Variants in PKD1L1 observed in about 807,000 individuals in gnomAD.
The protein encoded by PKD1L1 is polycystin 1 like 1, transient receptor potential channel interacting, also known as polycystin-1-like protein 1.
In PKD1L1, 236 loss-of-function variants were observed where a neutral mutation model predicts 323.4. The observed-to-expected ratio is 0.73, with a 90% CI of 0.66 to 0.81. The LOEUF (loss-of-function observed/expected upper bound fraction) is 0.81. Among genes scored for constraint, PKD1L1 ranks in the 40% least tolerant of loss-of-function variants. The pLI, the probability that PKD1L1 is intolerant of heterozygous loss-of-function variation, is 0.00. For synonymous variants in PKD1L1, 1,344 were observed against 1,335.0 expected, an observed-to-expected ratio of 1.01 and a Z score of -0.15; for missense variants, 3,320 against 3,508.0, an observed-to-expected ratio of 0.95 and a Z score of 1.35.
chr7:47,779,811 T>C (rs905606220), intron 56 of PKD1L1, among the ~76,000 whole-genome samples: 2 of 152,212 alleles, frequency 1.3e-5, no homozygotes, highest in Non-Finnish European at 2.9e-5. Flanking sequence ...CTTCATGCTT[T>C]GGAGCTTTCA....
At chr7:47,911,437 T>C (rs896064059) in intron 8 of PKD1L1, among the ~76,000 whole-genome samples, 10 of 152,200 alleles carry the variant, frequency 6.6e-5, no homozygotes, top group African/African-American at 2.4e-4. Context: ...AATTGGAGAA[T>C]GGCCTAATAC....
Position 47,929,282 on chromosome 7 carries a change from C to T in PKD1L1, c.982G>A (p.Asp328Asn), listed in dbSNP as rs756912614. Residue 328 changes from aspartate (D) to asparagine (N), a missense_variant, in exon 7 of 57, where the codon GAC (aspartate) becomes AAC (asparagine). By Grantham distance (23) the Asp-to-Asn change is conservative. Transcript: ENST00000289672. ...AGCCTCATTTCAACCCCAGAACTGT[C>T]CCCGAAATCCATCATCAGACAGAGA... ...EALCLMMDFGDSSGVEMRLHN... is the reference protein window; with the variant it reads ...EALCLMMDFGNSSGVEMRLHN... 3 of 1,614,168 alleles carry T rather than the reference C, an allele frequency of 1.9e-6. No homozygotes were observed. The highest frequency in any genetic ancestry group is 2.5e-6 in the Non-Finnish European group (3 of 1,180,020).
chr7:47,815,987 G>C (rs1196415567), intron 46 of PKD1L1, among the ~76,000 whole-genome samples: 2 of 152,204 alleles, frequency 1.3e-5, no homozygotes, highest in African/African-American at 2.4e-5. Context: ...ATCTGAGAGA[G>C]GGTATTAAAG....
At chr7:47,909,067 A>C (rs1404577663) in intron 8 of PKD1L1, among the ~76,000 whole-genome samples, 1 of 152,172 alleles carries the variant, frequency 6.6e-6, no homozygotes, top group African/African-American at 2.4e-5. Flanking sequence ...CTGGGAGCTG[A>C]ATAAAAGGTT....
At chr7:47,808,718 A>T (rs1234960694) in intron 51 of PKD1L1, among the ~76,000 whole-genome samples, 2 of 152,202 alleles carry the variant, frequency 1.3e-5, no homozygotes, top group Admixed American at 6.5e-5. Flanking sequence ...CATCGAAAAG[A>T]TACAGTAAAA....
At chr7:47,887,116 C>T (rs1562973890) in intron 17 of PKD1L1, among the ~76,000 whole-genome samples, 1 of 152,296 alleles carries the variant, frequency 6.6e-6, no homozygotes, top group East Asian at 1.9e-4. Flanking sequence ...TTAAATTTAC[C>T]TAAAAGAATT....
chr7:47,893,468 G>A (rs938076844), intron 15 of PKD1L1, among the ~76,000 whole-genome samples: 1 of 152,124 alleles, frequency 6.6e-6, no homozygotes, highest in Non-Finnish European at 1.5e-5. Flanking sequence ...GACCCTGGCT[G>A]AGCCCACAGG....
chr7:47,809,451 A>C (rs1275083910), intron 51 of PKD1L1, 22 bp downstream of exon 51: 2 of 1,488,088 alleles, frequency 1.3e-6, no homozygotes, highest in Admixed American at 2.2e-5. Context: ...TTTTCAAAAG[A>C]AAATGACACA....
At chr7:47,826,547 T>C (rs933083149) in intron 45 of PKD1L1, among the ~76,000 whole-genome samples, 1 of 152,214 alleles carries the variant, frequency 6.6e-6, no homozygotes, top group Non-Finnish European at 1.5e-5. Context: ...TGGTTGGAAG[T>C]GCTTCTGTGA....
chr7:47,833,107 C>G lies in PKD1L1; in HGVS notation c.6320G>C (p.Cys2107Ser). The change falls in exon 41 of 57, where the codon TGC becomes TCC. Residue 2107 changes from cysteine (C) to serine (S), a missense_variant. Transcript: ENST00000289672. Reference protein sequence around the residue: ...RTSLMGKSHCCPPHTQAPSSG... With the variant: ...RTSLMGKSHCSPPHTQAPSSG... The stretch of plus-strand genomic sequence containing the variant: ...ACAGTTACCTTGAGTGTGGGGAGGG[C>G]AGCAGTGGCTTTTCCCCATCAGAGA... The G allele has an allele frequency of 6.2e-7, 1 of 1,611,372 alleles. No individual in the cohort carries two copies. Among genetic ancestry groups the G allele is most frequent in the Non-Finnish European group, 8.5e-7 (1 of 1,178,902 alleles).
intron 8 of PKD1L1, among the ~76,000 whole-genome samples, chr7:47,911,104 C>T (rs536560609): frequency 7.2e-5 from 11 of 152,222 alleles, no homozygotes; most frequent in African/African-American, 2.6e-4. Flanking sequence ...TAGAGCTTGG[C>T]GGGAGGTGAC....
chr7:47,799,688 A>G (rs563100461), intron 54 of PKD1L1, among the ~76,000 whole-genome samples: 2 of 152,274 alleles, frequency 1.3e-5, no homozygotes, highest in African/African-American at 4.8e-5. Flanking sequence ...TTAGAACTTA[A>G]CGCTGAACGA....
At chr7:47,880,284 A>G (rs778869743) in intron 21 of PKD1L1, among the ~76,000 whole-genome samples, 1 of 56,818 alleles carries the variant, frequency 1.8e-5, no homozygotes, top group Non-Finnish European at 2.8e-5. Context: ...ATATATATAT[A>G]TTTTTTTTTT....
At chr7:47,900,362 G>C (rs909498944) in intron 13 of PKD1L1, among the ~76,000 whole-genome samples, 1 of 152,204 alleles carries the variant, frequency 6.6e-6, no homozygotes, top group African/African-American at 2.4e-5. Context: ...TCTATAACTT[G>C]TAGTAATTAT....
intron 9 of PKD1L1, 60 bp downstream of exon 9, chr7:47,908,017 G>A (rs1195916587): frequency 2.6e-6 from 4 of 1,531,298 alleles, no homozygotes; most frequent in African/African-American, 2.8e-5. Flanking sequence ...GTAAAGCGGA[G>A]ATACCCTGCT....
chr7:47,795,015 T>C (rs148980533), intron 55 of PKD1L1, among the ~76,000 whole-genome samples: 805 of 152,304 alleles, frequency 5.3e-3, no homozygotes, highest in Non-Finnish European at 6.5e-3. Flanking sequence ...GGCTCATAGG[T>C]GGAAGGGACT....
At chr7:47,943,636 G>T in intron 1 of PKD1L1, 125 bp from the exon 2 acceptor site, 1 of 697,490 alleles carries the variant, frequency 1.4e-6, no homozygotes, top group Non-Finnish European at 2.5e-6. Context: ...TACAAAATTG[G>T]CTGCCATATG....
chr7:47,925,893 G>A (rs1367969156), intron 7 of PKD1L1, among the ~76,000 whole-genome samples: 1 of 149,216 alleles, frequency 6.7e-6, no homozygotes, highest in African/African-American at 2.5e-5. Flanking sequence ...GGACAAAATG[G>A]GAAAAAATAT....
intron 55 of PKD1L1, among the ~76,000 whole-genome samples, chr7:47,794,958 T>A (rs894944017): frequency 4.6e-5 from 7 of 152,362 alleles, no homozygotes; most frequent in Admixed American, 4.6e-4. Context: ...CCAATCCCTG[T>A]ACCCCCATTG....
Sources: gnomAD v4.1 joint callset for allele counts (sites outside exome capture counted in the v4.1 genomes callset) on GRCh38, gnomAD v4.1.1 for gene constraint, MANE v1.5 for transcripts, NCBI Gene and HGNC (gene_info 2026-07-23, HGNC 2026-07-21) for gene names.